Variants in JAKMIP1 observed in about 807,000 individuals in gnomAD.
JAKMIP1 encodes the protein janus kinase and microtubule interacting protein 1, also known as janus kinase and microtubule-interacting protein 1.
A neutral mutation model predicts 113.0 loss-of-function variants in JAKMIP1; 33 were observed. That is an observed-to-expected ratio of 0.29 (90% CI 0.22 to 0.39). The LOEUF is 0.39. Ranked by LOEUF, JAKMIP1 falls within the 10% of genes least tolerant of loss-of-function variation. The pLI, the probability that JAKMIP1 is intolerant of heterozygous loss-of-function variation, is 1.00. For synonymous variants in JAKMIP1, 480 were observed against 459.9 expected (o/e 1.04, Z -0.56); for missense variants, 813 against 1,080.5 (o/e 0.75, Z 3.47).
chr4:6,079,450 T>A (rs1234499220), intron 7 of JAKMIP1, among the ~76,000 whole-genome samples: 4 of 152,216 alleles, frequency 2.6e-5, no homozygotes, highest in African/African-American at 9.6e-5. Flanking sequence ...AAAATTATAA[T>A]CAAAGCCTTT....
At chr4:6,172,342 A>C (rs1413225924) in intron 1 of JAKMIP1, among the ~76,000 whole-genome samples, 1 of 152,194 alleles carries the variant, frequency 6.6e-6, no homozygotes, top group East Asian at 1.9e-4. Context: ...TCTGCAGATA[A>C]CATTAATAAA....
At chr4:6,169,613 G>A (rs978772224) in intron 1 of JAKMIP1, among the ~76,000 whole-genome samples, 1 of 151,238 alleles carries the variant, frequency 6.6e-6, no homozygotes, top group African/African-American at 2.4e-5. Flanking sequence ...TTGTGTGTGT[G>A]TGTGTGTGTG....
rs899928923 is a variant in JAKMIP1, at chr4:6,139,347, G to A, written c.-147-26350C>T. Among the ~76,000 whole-genome samples, 15 of 152,138 alleles carry A rather than the reference G, an allele frequency of 9.9e-5. No individual in the cohort carries two copies. Among genetic ancestry groups the A allele is most frequent in the African/African-American group, 3.1e-4 (13 of 41,388 alleles). On this transcript the variant is annotated intron_variant, in intron 1 of 20. Transcript: ENST00000409021. The surrounding 1 kb of genome is among the most constrained non-coding windows in gnomAD (Gnocchi z 5.2). Reference sequence around the variant, plus strand: ...AATTGTGTCACTCCCAAATTCATACGCTGAGGTCCTAACCCCCAGTACCCT... The same window carrying A: ...AATTGTGTCACTCCCAAATTCATACACTGAGGTCCTAACCCCCAGTACCCT...
intron 5 of JAKMIP1, 70 bp downstream of exon 5, chr4:6,084,776 C>T: frequency 1.3e-6 from 2 of 1,490,596 alleles, no homozygotes; most frequent in Middle Eastern, 3.6e-4. Flanking sequence ...CTGTGCAGGG[C>T]ATGTTTCAGG....
intron 3 of JAKMIP1, among the ~76,000 whole-genome samples, chr4:6,103,373 C>T (rs1713404900): frequency 6.6e-6 from 1 of 152,164 alleles, no homozygotes; most frequent in Non-Finnish European, 1.5e-5. Flanking sequence ...TGGGTTATGA[C>T]TTATTAGCCT....
rs897531501 is a variant in JAKMIP1, at chr4:6,157,003, G to C, written c.-148+43250C>G. Among the ~76,000 whole-genome samples the C allele has an allele frequency of 6.6e-6, 1 of 152,324 alleles. No individual in the cohort carries two copies. ...CAGTGTAAAGAGGGGGGACCTTTAAGGGGTGATTGGGTCATGAGGGCTCTA... is the reference window on the plus strand; with the variant it reads ...CAGTGTAAAGAGGGGGGACCTTTAACGGGTGATTGGGTCATGAGGGCTCTA... On this transcript the variant is annotated intron_variant, in intron 1 of 20. Coordinates refer to ENST00000409021, the MANE Select transcript of JAKMIP1 (RefSeq NM_001099433.2). The surrounding 1 kb of genome is among the most constrained non-coding windows in gnomAD (Gnocchi z 4.7).
intron 1 of JAKMIP1, among the ~76,000 whole-genome samples, chr4:6,114,022 C>CT (rs1449336223): frequency 6.6e-6 from 1 of 152,218 alleles, no homozygotes; most frequent in Non-Finnish European, 1.5e-5. Flanking sequence ...GTCCTATCAT[C>CT]TTTGGAACAC....
chr4:6,026,273 C>G lies in JAKMIP1; in HGVS notation c.2451G>C (p.Leu817Phe). Residue 817 changes from leucine to phenylalanine, a missense_variant, in exon 21 of 21, where the codon TTG becomes TTC. Coordinates refer to ENST00000409021, the MANE Select transcript of JAKMIP1 (RefSeq NM_001099433.2). Reference sequence around the variant, plus strand: ...CTAGTGAGAAAAACAAAAAAAGGAACAAAAACTATAAAATAATACCAAAAG... The same window carrying G: ...CTAGTGAGAAAAACAAAAAAAGGAAGAAAAACTATAAAATAATACCAAAAG... ...RHLKELEEKF[L>F]FLFLFFSLAF... 1 of 1,418,844 alleles carries G rather than the reference C, an allele frequency of 7.0e-7. No individual in the cohort carries two copies. Among genetic ancestry groups the G allele is most frequent in the Non-Finnish European group, 9.7e-7 (1 of 1,031,598 alleles). 87.9% of individuals were successfully genotyped at this position (1,418,844 alleles called of 1,614,324 possible).
At chr4:6,173,175 G>A (rs955129325) in intron 1 of JAKMIP1, among the ~76,000 whole-genome samples, 2 of 152,214 alleles carry the variant, frequency 1.3e-5, no homozygotes, top group Admixed American at 1.3e-4. Flanking sequence ...GGTAGAATCT[G>A]GAGGGATGGA....
Position 6,143,865 on chromosome 4 carries a change from C to A in JAKMIP1, c.-147-30868G>T, listed in dbSNP as rs932598168. ...GAAGGCTTGTAGGACCCAGGCCAGG[C>A]AAGCCCCATCCCTTCCATTGATTGG... is the stretch of plus-strand genomic sequence containing the variant. On this transcript the variant is annotated intron_variant, in intron 1 of 20. Transcript: ENST00000409021. This position sits in a 1 kb window ranked among gnomAD's most constrained non-coding sequence, Gnocchi z 4.9. Among the ~76,000 whole-genome samples, 1 of 152,230 alleles carries A rather than the reference C, an allele frequency of 6.6e-6. No individual in the cohort carries two copies. Among genetic ancestry groups the A allele is most frequent in the Non-Finnish European group, 1.5e-5 (1 of 68,042 alleles).
Position 6,061,214 on chromosome 4 carries a change from A to G in JAKMIP1, c.1561-707T>C, listed in dbSNP as rs1199274244. Reference sequence around the variant, plus strand: ...TCTTGATTTTTAAATGTTGGCAAGTAGATGAAATTTAAAAAGCGAAACAAA... The same window carrying G: ...TCTTGATTTTTAAATGTTGGCAAGTGGATGAAATTTAAAAAGCGAAACAAA... On this transcript the variant is annotated intron_variant, in intron 10 of 20. Coordinates refer to ENST00000409021, the MANE Select transcript of JAKMIP1 (RefSeq NM_001099433.2). This position sits in a 1 kb window ranked among gnomAD's most constrained non-coding sequence, Gnocchi z 5.3. Among the ~76,000 whole-genome samples, 2 of 152,258 alleles carry G rather than the reference A, an allele frequency of 1.3e-5. No homozygotes were observed. Among genetic ancestry groups the G allele is most frequent in the African/African-American group, 2.4e-5 (1 of 41,466 alleles).
At chr4:6,152,444 T>C (rs1490424773) in intron 1 of JAKMIP1, among the ~76,000 whole-genome samples, 1 of 152,158 alleles carries the variant, frequency 6.6e-6, no homozygotes, top group Admixed American at 6.5e-5. Context: ...CTGCATCCTA[T>C]GATCAGAGAT....
chr4:6,033,750 GA>G (rs963690473), intron 19 of JAKMIP1, among the ~76,000 whole-genome samples: 4 of 152,010 alleles, frequency 2.6e-5, no homozygotes, highest in Non-Finnish European at 5.9e-5. Context: ...TCCTGGAGGG[GA>G]AAAAAATCAC....
intron 11 of JAKMIP1, among the ~76,000 whole-genome samples, chr4:6,057,380 G>A (rs78786310): frequency 2.0e-5 from 3 of 152,162 alleles, no homozygotes; most frequent in Non-Finnish European, 4.4e-5. Flanking sequence ...CACAGAGCTG[G>A]GGCTGGGCTG....
chr4:6,042,051 G>A lies in JAKMIP1; in HGVS notation c.2097+108C>T. The stretch of plus-strand genomic sequence containing the variant: ...ACCACTGGGGCAAAAGCAAAATTGA[G>A]AAATGCATGCAAATCATTAGGAAAA... On this transcript the variant is annotated intron_variant, in intron 17 of 20. Coordinates refer to ENST00000409021, the MANE Select transcript of JAKMIP1 (RefSeq NM_001099433.2). The surrounding 1 kb of genome is among the most constrained non-coding windows in gnomAD (Gnocchi z 5.2). 1.1e-6 allele frequency: 1 copy of A among 904,184 alleles called. No homozygotes were observed. Among genetic ancestry groups the A allele is most frequent in the South Asian group, 1.5e-5 (1 of 67,186 alleles). The allele number at this position is 904,184 out of a possible 1,614,324, so 56.0% of individuals were successfully genotyped here.
intron 1 of JAKMIP1, among the ~76,000 whole-genome samples, chr4:6,133,746 T>G (rs4541599): frequency 6.6e-6 from 1 of 152,074 alleles, no homozygotes; most frequent in African/African-American, 2.4e-5. Flanking sequence ...TTGGCAAATC[T>G]GCCACACAGT....
At position 6,031,496 on chromosome 4, in the gene JAKMIP1, G is replaced by C. The variant is rs1278292643; in HGVS notation, c.2380-1715C>G. Among the ~76,000 whole-genome samples, 1 of 152,166 alleles carries C rather than the reference G, an allele frequency of 6.6e-6. No individual in the cohort carries two copies. The highest frequency in any genetic ancestry group is 1.5e-5 in the Non-Finnish European group (1 of 68,028). ...GGAGACGTGGAACCCAGCAGGGTTA[G>C]TTCACCAGATGCACAAGAGGGGAAA... On this transcript the variant is annotated intron_variant, in intron 19 of 20. Coordinates refer to ENST00000409021, the MANE Select transcript of JAKMIP1 (RefSeq NM_001099433.2). This position sits in a 1 kb window ranked among gnomAD's most constrained non-coding sequence, Gnocchi z 4.4.
rs572560449 is a variant in JAKMIP1, at chr4:6,104,290, G to A, written c.624+1183C>T. On this transcript the variant is annotated intron_variant, in intron 3 of 20. Coordinates refer to ENST00000409021, the MANE Select transcript of JAKMIP1 (RefSeq NM_001099433.2). ...TGTTCTACTGTTTGCTGAGAGAAGC[G>A]TGTTCGTCCCCAACCGTAACTGTGG... Among the ~76,000 whole-genome samples the A allele has an allele frequency of 3.9e-5, 6 of 152,286 alleles. No individual in the cohort carries two copies. In the East Asian group the frequency reaches 5.8e-4, roughly 15 times the overall value.
chr4:6,164,235 G>A (rs1261565132), intron 1 of JAKMIP1, among the ~76,000 whole-genome samples: 2 of 152,232 alleles, frequency 1.3e-5, no homozygotes, highest in Non-Finnish European at 2.9e-5. Flanking sequence ...CTGATGACGT[G>A]CCAAAGTTGA....
Sources: gnomAD v4.1 joint callset for allele counts (sites outside exome capture counted in the v4.1 genomes callset) on GRCh38, gnomAD v4.1.1 for gene constraint, Gnocchi (gnomAD v3.1) non-coding constraint, MANE v1.5 for transcripts, NCBI Gene and HGNC (gene_info 2026-07-23, HGNC 2026-07-21) for gene names.